The following PPL variants were observed in gnomAD, a reference collection of about 807,000 sequenced individuals.
PPL encodes the protein periplakin.
Under a neutral mutation model 194.4 loss-of-function variants are expected in PPL, and 198 were observed. The observed-to-expected ratio is 1.02, with a 90% CI of 0.91 to 1.15. The LOEUF is 1.15. PPL is among the 50% of genes most tolerant of loss of function. PPL has a pLI of 0.00. For synonymous variants in PPL, 1,220 were observed against 972.4 expected (o/e 1.25, Z -4.74); for missense variants, 2,885 against 2,294.8 (o/e 1.26, Z -5.25).
At chr16:4,887,860 T>C (rs1271065532) in intron 20 of PPL, among the ~76,000 whole-genome samples, 2 of 152,172 alleles carry the variant, frequency 1.3e-5, no homozygotes, top group Non-Finnish European at 2.9e-5. Context: ...CCTCCCAAAG[T>C]GCTAGGATTA....
chr16:4,898,982 G>C (rs775350171), intron 8 of PPL, 31 bp downstream of exon 8: 2 of 1,590,596 alleles, frequency 1.3e-6, no homozygotes, highest in Admixed American at 3.3e-5. Flanking sequence ...AGCCACCCTG[G>C]GGGAGGTGTC....
chr16:4,900,797 C>G (rs749850102), intron 6 of PPL, 33 bp downstream of exon 6: 1 of 1,613,944 alleles, frequency 6.2e-7, no homozygotes, highest in Non-Finnish European at 8.5e-7. Context: ...CTCTCCTCTC[C>G]CCATGAGGCC....
intron 6 of PPL, 52 bp downstream of exon 6, chr16:4,900,778 C>G (rs1331119871): frequency 2.5e-6 from 4 of 1,611,676 alleles, no homozygotes; most frequent in Non-Finnish European, 3.4e-6. Context: ...CGACTCCAAG[C>G]TTCCCATCCT....
At position 4,885,272 on chromosome 16, in the gene PPL, C is replaced by T; in HGVS notation, c.3383G>A (p.Arg1128Lys). 1 of 1,612,158 alleles carries T rather than the reference C, an allele frequency of 6.2e-7. No homozygotes were observed. ...LKVEKDAATE[R>K]EVSDLTRQYE... ...TTGGCGGGTGAGATCGCTGACCTCC[C>T]TCTCGGTGGCCGCGTCCTTCTCCAC... The change falls in exon 22 of 22, where the codon AGG becomes AAG. Residue 1128 changes from arginine to lysine, a missense_variant. Physicochemically the swap from Arg to Lys is conservative, Grantham distance 26. Coordinates refer to ENST00000345988, the MANE Select transcript of PPL (RefSeq NM_002705.5). This position sits in a 1 kb window ranked among gnomAD's most constrained non-coding sequence, Gnocchi z 6.3.
chr16:4,921,425 C>T (rs915076297), intron 1 of PPL, among the ~76,000 whole-genome samples: 3 of 152,188 alleles, frequency 2.0e-5, no homozygotes, highest in Non-Finnish European at 4.4e-5. Context: ...GGTCTCCTGG[C>T]TCTGTCGCCA....
intron 3 of PPL, 124 bp downstream of exon 3, chr16:4,903,762 G>T: frequency 1.8e-6 from 2 of 1,118,926 alleles, no homozygotes; most frequent in Non-Finnish European, 2.5e-6. Context: ...CCTTTGGCAC[G>T]TGCCTGGCAC....
At position 4,882,886 on chromosome 16, in the gene PPL, C is replaced by T. The variant is rs1052746589; in HGVS notation, c.*498G>A. 2.8e-5 allele frequency: 5 copies of T among 177,436 alleles called. No individual in the cohort carries two copies. Among genetic ancestry groups the T allele is most frequent in the East Asian group, 3.6e-4 (2 of 5,582 alleles). 11.0% of individuals were successfully genotyped at this position (177,436 alleles called of 1,614,324 possible). A position where few individuals can be genotyped will look rare whatever the true frequency, so the allele number is the denominator to read the frequency against. On this transcript the variant is annotated 3_prime_UTR_variant, in exon 22 of 22. Coordinates refer to ENST00000345988, the MANE Select transcript of PPL (RefSeq NM_002705.5). Reference sequence around the variant, plus strand: ...ATCTGTCTCATGAGCAGAGTAACTACTGAGGAGGCTTCTCGGATGGAAAGT... The same window carrying T: ...ATCTGTCTCATGAGCAGAGTAACTATTGAGGAGGCTTCTCGGATGGAAAGT...
At position 4,884,728 on chromosome 16, in the gene PPL, C is replaced by T. The variant is rs148912216; in HGVS notation, c.3927G>A (p.Ala1309=). The change falls in exon 22 of 22, where the codon GCG becomes GCA. Residue 1309 remains alanine (A), a synonymous_variant. Coordinates refer to ENST00000345988, the MANE Select transcript of PPL (RefSeq NM_002705.5). This position sits in a 1 kb window ranked among gnomAD's most constrained non-coding sequence, Gnocchi z 5.7. ...CCTCTGAGAGCTTTGCCCTCAGAGA[C>T]GCCACCTCCTCCTTGGTTTGAGGGT... ...QEDPQTKEEV[A]SLRAKLSEEQ... 7.3e-4 allele frequency: 1,186 copies of T among 1,614,044 alleles called. 1 individual carries two copies. Among genetic ancestry groups the T allele is most frequent in the Non-Finnish European group, 9.2e-4 (1,081 of 1,180,052 alleles).
chr16:4,892,758 T>C (rs989320031), intron 14 of PPL: 5 of 164,520 alleles, frequency 3.0e-5, no homozygotes, highest in Non-Finnish European at 5.2e-5. Flanking sequence ...TGGGAGACTT[T>C]GTATAGGAAA....
chr16:4,905,143 G>A (rs1270349617), intron 2 of PPL, among the ~76,000 whole-genome samples: 1 of 152,122 alleles, frequency 6.6e-6, no homozygotes, highest in Non-Finnish European at 1.5e-5. Context: ...CTGACGCTGG[G>A]GCACTCAGAG....
chr16:4,922,223 G>C (rs1459376116), intron 1 of PPL, among the ~76,000 whole-genome samples: 1 of 152,174 alleles, frequency 6.6e-6, no homozygotes, highest in Non-Finnish European at 1.5e-5. Context: ...GCTGTAAAAT[G>C]AGAGTCATCA....
At chr16:4,894,395 G>T in intron 12 of PPL, 72 bp downstream of exon 12, 1 of 1,564,656 alleles carries the variant, frequency 6.4e-7, no homozygotes, top group Non-Finnish European at 8.7e-7. Context: ...AAATCCCCGG[G>T]GCTATGAATG....
Position 4,883,500 on chromosome 16 carries a change from ACTT to A in PPL, c.5152_5154del (p.Lys1718del), listed in dbSNP as rs1567978449. The A allele has an allele frequency of 6.2e-7, 1 of 1,614,096 alleles. No homozygotes were observed. The highest frequency in any genetic ancestry group is 8.5e-7 in the Non-Finnish European group (1 of 1,180,012). ...CTCTGCAGGGCCTCTTCGATGGAGA[ACTT>A]CTTGCCAGACTTCCTGTCGTGTATC... On this transcript the variant is annotated inframe_deletion, in exon 22 of 22. Transcript: ENST00000345988. The surrounding 1 kb of genome is among the most constrained non-coding windows in gnomAD (Gnocchi z 4.8).
rs1247452849 is a variant in PPL at position 4,892,201 on chromosome 16, CGTT to C, written c.1660_1662del (p.Asn554del). 8 of 1,611,888 alleles carry C rather than the reference CGTT, an allele frequency of 5.0e-6. No individual in the cohort carries two copies. The highest frequency in any genetic ancestry group is 5.1e-6 in the Non-Finnish European group (6 of 1,178,624). On this transcript the variant is annotated inframe_deletion, in exon 15 of 22. Coordinates refer to ENST00000345988, the MANE Select transcript of PPL (RefSeq NM_002705.5). ...TTCTCAGGTTCAATCCGCAGTAGCT[CGTT>C]GGTGATGTTCTGTGGGAACCAGGGC...
At chr16:4,895,549 GT>G in intron 10 of PPL, 44 bp downstream of exon 10, 2 of 1,612,352 alleles carry the variant, frequency 1.2e-6, no homozygotes. Flanking sequence ...GTGTAGAGGG[GT>G]CCCCCGCCCC....
intron 16 of PPL, among the ~76,000 whole-genome samples, chr16:4,891,244 G>A (rs2088314904): frequency 6.6e-6 from 1 of 152,128 alleles, no homozygotes; most frequent in Non-Finnish European, 1.5e-5. Flanking sequence ...TGAATAAGGG[G>A]CCTCAGGTCA....
At chr16:4,912,962 G>C (rs2088848722) in intron 1 of PPL, among the ~76,000 whole-genome samples, 1 of 152,146 alleles carries the variant, frequency 6.6e-6, no homozygotes, top group African/African-American at 2.4e-5. Flanking sequence ...AAATTAGCTA[G>C]GTGTGGTGGC....
intron 16 of PPL, 56 bp from the exon 17 acceptor site, chr16:4,890,977 C>A: frequency 7.0e-7 from 1 of 1,432,162 alleles, no homozygotes; most frequent in South Asian, 1.4e-5. Context: ...CAGAGCCAGG[C>A]GATGACACCC....
At chr16:4,932,346 G>C (rs981795598) in intron 1 of PPL, among the ~76,000 whole-genome samples, 3 of 152,162 alleles carry the variant, frequency 2.0e-5, no homozygotes, top group African/African-American at 7.2e-5. Context: ...CTGATCGATG[G>C]GTGCATGTGC....
Sources: allele counts gnomAD v4.1 joint callset (sites outside exome capture counted in the v4.1 genomes callset), GRCh38; gene constraint gnomAD v4.1.1; non-coding constraint Gnocchi (gnomAD v3.1); transcripts MANE v1.5; gene names NCBI Gene and HGNC (gene_info 2026-07-23, HGNC 2026-07-21).